The following ARHGAP35 variants were observed in gnomAD, a reference collection of about 807,000 sequenced individuals.
The protein encoded by ARHGAP35 is rho GTPase-activating protein 35.
Under a neutral mutation model 111.1 loss-of-function variants are expected in ARHGAP35, and 15 were observed. The ratio of observed to expected loss-of-function variants is 0.13; its 90% CI spans 0.09 to 0.21. The LOEUF is 0.21. ARHGAP35 is among the 10% of genes least tolerant of loss of function. The probability of loss-of-function intolerance (pLI) is 1.00; values close to 1 mark genes in which losing one functional copy is unlikely to be tolerated. For synonymous variants in ARHGAP35, 643 were observed against 710.3 expected (o/e 0.91, Z 1.51); for missense variants, 1,262 against 1,873.0 (o/e 0.67, Z 6.02).
chr19:46,952,009 C>T (rs1599842822), intron 3 of ARHGAP35, among the ~76,000 whole-genome samples: 1 of 152,134 alleles, frequency 6.6e-6, no homozygotes, highest in East Asian at 1.9e-4. Context: ...GTTTGATAGC[C>T]CAGTAGGATG....
intron 3 of ARHGAP35, among the ~76,000 whole-genome samples, chr19:46,975,313 G>A (rs1416314284): frequency 6.6e-6 from 1 of 152,168 alleles, no homozygotes; most frequent in Non-Finnish European, 1.5e-5. Context: ...TCCTGCAGGG[G>A]TCCTAAATTT....
intron 1 of ARHGAP35, among the ~76,000 whole-genome samples, 89 bp downstream of exon 1, chr19:46,861,298 G>A (rs2055824980): frequency 6.7e-6 from 1 of 150,070 alleles, no homozygotes; most frequent in East Asian, 2.0e-4. Flanking sequence ...GGCGGGGCCC[G>A]GAGCCCGCGA....
chr19:46,922,587 T>A lies in ARHGAP35; in HGVS notation c.3681+231T>A, dbSNP rs191109761. Among the ~76,000 whole-genome samples the A allele has an allele frequency of 9.9e-5, 15 of 152,110 alleles. No homozygotes were observed. The highest frequency in any genetic ancestry group is 8.5e-4 in the Admixed American group (13 of 15,284). On this transcript the variant is annotated intron_variant, in intron 2 of 6. Transcript: ENST00000672722. The surrounding 1 kb of genome is among the most constrained non-coding windows in gnomAD (Gnocchi z 4.0). Reference sequence around the variant, plus strand: ...GAGTTGTTGTTGCCTAAAACAATAGTTAATTAATTAGCAAAATGAGGAGAT... The same window carrying A: ...GAGTTGTTGTTGCCTAAAACAATAGATAATTAATTAGCAAAATGAGGAGAT...
At chr19:46,950,416 G>A (rs1421873625) in intron 3 of ARHGAP35, among the ~76,000 whole-genome samples, 2 of 152,186 alleles carry the variant, frequency 1.3e-5, no homozygotes, top group Non-Finnish European at 1.5e-5. Context: ...GTACATATGT[G>A]TGCACTTACA....
intron 3 of ARHGAP35, among the ~76,000 whole-genome samples, chr19:46,943,280 G>A (rs2056359676): frequency 6.6e-6 from 1 of 152,118 alleles, no homozygotes; most frequent in Non-Finnish European, 1.5e-5. Flanking sequence ...GACCTCTTCA[G>A]CATCCTCAGC....
chr19:46,927,324 T>C (rs779595624), intron 2 of ARHGAP35, among the ~76,000 whole-genome samples: 2 of 152,216 alleles, frequency 1.3e-5, no homozygotes, highest in African/African-American at 4.8e-5. Flanking sequence ...GTTTTAAACA[T>C]GTACTTGCAT....
At chr19:46,881,863 G>T (rs2055963927) in intron 1 of ARHGAP35, among the ~76,000 whole-genome samples, 1 of 151,874 alleles carries the variant, frequency 6.6e-6, no homozygotes, top group Admixed American at 6.6e-5. Context: ...CTTCATCAAG[G>T]TGGGCTAGGT....
chr19:46,989,524 C>T lies in ARHGAP35; in HGVS notation c.3905-20C>T. 6.2e-7 allele frequency: 1 copy of T among 1,613,446 alleles called. No individual in the cohort carries two copies. The highest frequency in any genetic ancestry group is 8.5e-7 in the Non-Finnish European group (1 of 1,179,580). On this transcript the variant is annotated intron_variant, in intron 4 of 6. Transcript: ENST00000672722. The surrounding 1 kb of genome is among the most constrained non-coding windows in gnomAD (Gnocchi z 5.3). ...CCTGGCTTAGAATGGTTTGGCCTCA[C>T]TCTCCTGACTTCCTTTCAGACCACA...
Position 46,999,253 on chromosome 19 carries a change from G to C in ARHGAP35, c.4037-51G>C. The C allele has an allele frequency of 7.4e-7, 1 of 1,353,114 alleles. No homozygotes were observed. The highest frequency in any genetic ancestry group is 1.0e-6 in the Non-Finnish European group (1 of 966,994). 83.8% of individuals were successfully genotyped at this position (1,353,114 alleles called of 1,614,324 possible). ...CCATCACAGAGCACGCCCTGGGGTG[G>C]CCACCAGCCTCGGCCATGAAAGGCA... is the stretch of plus-strand genomic sequence containing the variant. On this transcript the variant is annotated intron_variant, in intron 5 of 6. Coordinates refer to ENST00000672722, the MANE Select transcript of ARHGAP35 (RefSeq NM_004491.5). This position sits in a 1 kb window ranked among gnomAD's most constrained non-coding sequence, Gnocchi z 5.4.
chr19:46,865,504 G>A (rs572823005), intron 1 of ARHGAP35, among the ~76,000 whole-genome samples: 2 of 152,114 alleles, frequency 1.3e-5, no homozygotes, highest in South Asian at 2.1e-4. Context: ...AGAAGTTGTC[G>A]GTGTGCAGAT....
chr19:46,980,016 C>T (rs369247819), intron 3 of ARHGAP35, among the ~76,000 whole-genome samples: 8 of 152,204 alleles, frequency 5.3e-5, no homozygotes, highest in African/African-American at 1.7e-4. Flanking sequence ...AGAGACACAG[C>T]GAGGAAACCT....
intron 1 of ARHGAP35, among the ~76,000 whole-genome samples, chr19:46,863,828 C>T (rs73057356): frequency 0.19 from 29,022 of 152,154 alleles, 3,485 homozygotes; most frequent in Non-Finnish European, 0.28. Flanking sequence ...GCAGTGTGAC[C>T]TTGTGGGAGG....
intron 1 of ARHGAP35, among the ~76,000 whole-genome samples, chr19:46,875,225 ATTCT>A (rs542887267): frequency 2.9e-4 from 44 of 152,248 alleles, no homozygotes; most frequent in African/African-American, 9.4e-4. Context: ...TTTACTGATC[ATTCT>A]TTCTGTTGTC....
In ARHGAP35 at chr19:46,945,874, G is replaced by T. The variant is rs1406620626; in HGVS notation, c.3826+8466G>T. ...GGAGGCATGGCAACAGTGAGGAAAT[G>T]ATTTCCCTGGCCCCAGTCCTTTCTT... is the stretch of plus-strand genomic sequence containing the variant. On this transcript the variant is annotated intron_variant, in intron 3 of 6. Transcript: ENST00000672722. The surrounding 1 kb of genome is among the most constrained non-coding windows in gnomAD (Gnocchi z 4.1). Among the ~76,000 whole-genome samples, 3 of 152,178 alleles carry T rather than the reference G, an allele frequency of 2.0e-5. No homozygotes were observed. Among genetic ancestry groups the T allele is most frequent in the South Asian group, 2.1e-4 (1 of 4,820 alleles).
intron 3 of ARHGAP35, among the ~76,000 whole-genome samples, chr19:46,940,795 A>G (rs10421543): frequency 0.033 from 4,947 of 152,138 alleles, 198 homozygotes; most frequent in African/African-American, 0.093. Context: ...ATCGTGATCA[A>G]GTTCTGGGTT....
chr19:46,921,224 G>T lies in ARHGAP35; in HGVS notation c.2549G>T (p.Arg850Leu), dbSNP rs562764311. 1 of 1,613,968 alleles carries T rather than the reference G, an allele frequency of 6.2e-7. No homozygotes were observed. Among genetic ancestry groups the T allele is most frequent in the Non-Finnish European group, 8.5e-7 (1 of 1,179,892 alleles). ...YHSSFSIRKS[R>L]LVHGYIVFYS... The stretch of plus-strand genomic sequence containing the variant: ...TCCTCCTTTAGCATCAGAAAGAGCC[G>T]GTTGGTTCATGGGTACATTGTTTTT... The change falls in exon 2 of 7, where the codon CGG (arginine) becomes CTG (leucine). Residue 850 changes from arginine to leucine, a missense_variant. Coordinates refer to ENST00000672722, the MANE Select transcript of ARHGAP35 (RefSeq NM_004491.5). The surrounding 1 kb of genome is among the most constrained non-coding windows in gnomAD (Gnocchi z 4.3).
intron 1 of ARHGAP35, among the ~76,000 whole-genome samples, chr19:46,896,954 C>T (rs2086734843): frequency 6.6e-6 from 1 of 152,090 alleles, no homozygotes; most frequent in Non-Finnish European, 1.5e-5. Flanking sequence ...AGTGCATTGG[C>T]GCGATCTTAG....
chr19:46,974,828 C>T (rs1231900927), intron 3 of ARHGAP35, among the ~76,000 whole-genome samples: 1 of 152,062 alleles, frequency 6.6e-6, no homozygotes, highest in Non-Finnish European at 1.5e-5. Flanking sequence ...TATCTAGGGG[C>T]CCACAAGAGT....
intron 3 of ARHGAP35, among the ~76,000 whole-genome samples, chr19:46,984,459 C>G (rs1379192318): frequency 6.6e-6 from 1 of 152,194 alleles, no homozygotes; most frequent in Non-Finnish European, 1.5e-5. Flanking sequence ...CTCTTTCCAG[C>G]GTCCTGTTTC....
Sources: allele counts gnomAD v4.1 joint callset (sites outside exome capture counted in the v4.1 genomes callset), GRCh38; gene constraint gnomAD v4.1.1; non-coding constraint Gnocchi (gnomAD v3.1); transcripts MANE v1.5; gene names NCBI Gene and HGNC (gene_info 2026-07-23, HGNC 2026-07-21).